The following HIVEP3 variants were observed in gnomAD, a reference collection of about 807,000 sequenced individuals.
The protein encoded by HIVEP3 is transcription factor HIVEP3.
In HIVEP3, 49 loss-of-function variants were observed where a neutral mutation model predicts 152.8. The ratio of observed to expected loss-of-function variants is 0.32; its 90% CI spans 0.26 to 0.41. The LOEUF is 0.41. Among genes scored for constraint, HIVEP3 ranks in the 10% least tolerant of loss-of-function variants. The pLI is 1.00. For synonymous variants in HIVEP3, 1,269 were observed against 1,289.0 expected, an observed-to-expected ratio of 0.98 and a Z score of 0.33; for missense variants, 2,790 against 3,103.3, an observed-to-expected ratio of 0.90 and a Z score of 2.40.
At chr1:41,868,922 A>C (rs1455358510) in intron 1 of HIVEP3, among the ~76,000 whole-genome samples, 1 of 152,264 alleles carries the variant, frequency 6.6e-6, no homozygotes, top group Non-Finnish European at 1.5e-5. Flanking sequence ...TTAATTGCTC[A>C]ATAAATAGGA....
chr1:41,612,634 G>A (rs1256937799), intron 3 of HIVEP3, among the ~76,000 whole-genome samples: 1 of 152,216 alleles, frequency 6.6e-6, no homozygotes. Flanking sequence ...GATTCATGGT[G>A]TTCCCTGAGT....
chr1:41,579,860 A>C lies in HIVEP3; in HGVS notation c.4938T>G (p.Ala1646=). The C allele has an allele frequency of 1.2e-6, 2 of 1,614,230 alleles. No individual in the cohort carries two copies. Among genetic ancestry groups the C allele is most frequent in the Non-Finnish European group, 1.7e-6 (2 of 1,180,028 alleles). ...GCTTAGACCTCAGGAGGGACAAAGCAGCTTTAGTGGAAACCCCCGGAAGGT... is the reference window on the plus strand; with the variant it reads ...GCTTAGACCTCAGGAGGGACAAAGCCGCTTTAGTGGAAACCCCCGGAAGGT... The part of the protein sequence containing the change: ...NPNLPGVSTK[A]ALSLLRSKQK... Residue 1646 remains alanine (A), a synonymous_variant, in exon 4 of 9, where the codon GCT becomes GCG. Coordinates refer to ENST00000372583, the MANE Select transcript of HIVEP3 (RefSeq NM_024503.5).
chr1:41,812,396 C>T (rs192699877), intron 1 of HIVEP3, among the ~76,000 whole-genome samples: 2 of 152,194 alleles, frequency 1.3e-5, no homozygotes, highest in East Asian at 1.9e-4. Flanking sequence ...ATGACCATGT[C>T]GCTGCACTCC....
chr1:41,582,796 C>T lies in HIVEP3; in HGVS notation c.2002G>A (p.Glu668Lys), dbSNP rs757045671. ...YEAHKKYYCS[E>K]LQIAKPISAG... ...GAGATGGGCTTTGCGATCTGAAGCTCTGAGCAGTAGTATTTTTTGTGGGCT... is the reference window on the plus strand; with the variant it reads ...GAGATGGGCTTTGCGATCTGAAGCTTTGAGCAGTAGTATTTTTTGTGGGCT... The change falls in exon 4 of 9, where the codon GAG (glutamate) becomes AAG (lysine). Residue 668 changes from glutamate to lysine, a missense_variant. By Grantham distance (56) the Glu-to-Lys change is moderately conservative. Around this residue, in one of 9 missense-constraint regions of HIVEP3, gnomAD observed 339 missense variants for 327.0 expected, o/e 1.04. Transcript: ENST00000372583. This position sits in a 1 kb window ranked among gnomAD's most constrained non-coding sequence, Gnocchi z 4.7. 6.2e-7 allele frequency: 1 copy of T among 1,614,070 alleles called. No homozygotes were observed. The highest frequency in any genetic ancestry group is 8.5e-7 in the Non-Finnish European group (1 of 1,180,050).
At chr1:41,825,123 G>A (rs1020772243) in intron 1 of HIVEP3, among the ~76,000 whole-genome samples, 2 of 152,116 alleles carry the variant, frequency 1.3e-5, no homozygotes, top group Non-Finnish European at 2.9e-5. Context: ...AGGAGTCAGC[G>A]AAGAGTGGTG....
At chr1:41,959,413 A>G (rs1413326631) in intron 1 of HIVEP3, among the ~76,000 whole-genome samples, 6 of 152,220 alleles carry the variant, frequency 3.9e-5, no homozygotes, top group African/African-American at 1.4e-4. Context: ...TCCTGCATAA[A>G]TTCACTTCAG....
At chr1:41,738,211 C>T (rs757613625) in intron 1 of HIVEP3, among the ~76,000 whole-genome samples, 5 of 152,162 alleles carry the variant, frequency 3.3e-5, no homozygotes, top group Non-Finnish European at 7.4e-5. Flanking sequence ...GCAGCGTCCC[C>T]AGAGACATAT....
chr1:42,027,632 G>C (rs994043948), intron 1 of HIVEP3, among the ~76,000 whole-genome samples: 10 of 152,148 alleles, frequency 6.6e-5, no homozygotes, highest in Admixed American at 6.5e-4. Context: ...CCCTCTGTAG[G>C]TGTATTAGTT....
intron 1 of HIVEP3, among the ~76,000 whole-genome samples, chr1:41,993,981 C>G (rs1244827886): frequency 7.9e-6 from 1 of 125,810 alleles, no homozygotes; most frequent in Non-Finnish European, 1.6e-5. Context: ...AGGGGAACAT[C>G]ACACTCTGGG....
intron 1 of HIVEP3, among the ~76,000 whole-genome samples, chr1:41,930,033 G>C (rs1423819099): frequency 1.3e-5 from 2 of 151,944 alleles, no homozygotes; most frequent in Admixed American, 6.6e-5. Flanking sequence ...AAGTTACTTA[G>C]GTCAGCTCCC....
In HIVEP3 at chr1:41,630,256, C is replaced by T. The variant is rs145824183; in HGVS notation, c.-720-1309G>A. 1.7e-3 allele frequency among the ~76,000 whole-genome samples: 262 copies of T among 152,184 alleles called. 4 individuals carry two copies. Among genetic ancestry groups the T allele is most frequent in the South Asian group, 0.017 (80 of 4,824 alleles). ...CACATGGACATAAAGATGGGAACGA[C>T]AGACACTAGTAACTACTGGGTGGGG... On this transcript the variant is annotated intron_variant, in intron 2 of 8. Transcript: ENST00000372583.
chr1:41,950,281 T>C (rs1324344791), intron 1 of HIVEP3, among the ~76,000 whole-genome samples: 1 of 152,206 alleles, frequency 6.6e-6, no homozygotes, highest in African/African-American at 2.4e-5. Context: ...ATGGGAGTTC[T>C]GTTTTCATTC....
intron 1 of HIVEP3, among the ~76,000 whole-genome samples, chr1:41,788,795 G>A (rs1457422476): frequency 6.6e-6 from 1 of 152,224 alleles, no homozygotes; most frequent in Non-Finnish European, 1.5e-5. Flanking sequence ...GAACATCCCC[G>A]TGGAAAGGAG....
At chr1:41,537,396 C>G (rs973826412) in intron 5 of HIVEP3, among the ~76,000 whole-genome samples, 1 of 152,170 alleles carries the variant, frequency 6.6e-6, no homozygotes, top group Non-Finnish European at 1.5e-5. Context: ...GAAGATGTGA[C>G]GAGCAATGCA....
intron 2 of HIVEP3, among the ~76,000 whole-genome samples, chr1:41,691,280 A>G (rs1646194181): frequency 6.6e-6 from 1 of 152,264 alleles, no homozygotes; most frequent in Admixed American, 6.5e-5. Flanking sequence ...TTGACTGATC[A>G]TATCATATGT....
intron 2 of HIVEP3, among the ~76,000 whole-genome samples, chr1:41,697,838 G>A (rs1186892686): frequency 1.3e-5 from 2 of 152,212 alleles, no homozygotes; most frequent in Non-Finnish European, 2.9e-5. Context: ...CCTGCTAGGT[G>A]CTAGAGCAAA....
intron 1 of HIVEP3, among the ~76,000 whole-genome samples, chr1:41,799,482 C>T (rs149298047): frequency 3.9e-5 from 6 of 152,318 alleles, no homozygotes; most frequent in African/African-American, 1.4e-4. Context: ...CTCCCTCAGG[C>T]TGACAAAGTC....
chr1:42,006,402 G>A (rs1042673471), intron 1 of HIVEP3, among the ~76,000 whole-genome samples: 1 of 152,042 alleles, frequency 6.6e-6, no homozygotes, highest in Non-Finnish European at 1.5e-5. Context: ...AAAAATTACT[G>A]CAGACCCCAA....
At chr1:41,736,700 G>C (rs1270765381) in intron 1 of HIVEP3, among the ~76,000 whole-genome samples, 2 of 152,220 alleles carry the variant, frequency 1.3e-5, no homozygotes, top group Non-Finnish European at 2.9e-5. Context: ...CTGCCTTCCA[G>C]ACTCTGTACT....
Sources: gnomAD v4.1 joint callset for allele counts (sites outside exome capture counted in the v4.1 genomes callset) on GRCh38, gnomAD v4.1.1 for gene constraint, gnomAD v4.1.1 regional missense constraint, Gnocchi (gnomAD v3.1) non-coding constraint, MANE v1.5 for transcripts, NCBI Gene and HGNC (gene_info 2026-07-23, HGNC 2026-07-21) for gene names.